The following ARMC9 variants were observed in gnomAD, a reference collection of about 807,000 sequenced individuals.
ARMC9 encodes the protein lisH domain-containing protein ARMC9.
Under a neutral mutation model 107.0 loss-of-function variants are expected in ARMC9, and 94 were observed. The ratio of observed to expected loss-of-function variants is 0.88; its 90% CI spans 0.74 to 1.04. ARMC9 has a LOEUF of 1.04. Among genes scored for constraint, ARMC9 ranks in the 50% least tolerant of loss-of-function variants. The pLI is 0.00. For missense variants in ARMC9, 942 were observed against 1,030.1 expected, an observed-to-expected ratio of 0.91 and a Z score of 1.17; for synonymous variants, 380 against 396.9, an observed-to-expected ratio of 0.96 and a Z score of 0.51.
At chr2:231,366,748 G>A (rs1276585444) in intron 23 of ARMC9, among the ~76,000 whole-genome samples, 1 of 151,486 alleles carries the variant, frequency 6.6e-6, no homozygotes, top group African/African-American at 2.4e-5. Flanking sequence ...GGCTGAGGCA[G>A]GAGAATTGCT....
In ARMC9 at chr2:231,360,768, A is replaced by C. The variant is rs1411556423; in HGVS notation, c.2146A>C (p.Lys716Gln). ...CTCCTCCCCAGCAGCCATCATCGCC[A>C]AGCCAGGAGAGTGGCTCCCAAGAGG... Reference protein sequence around the residue: ...CVSSSSAIIAKPGEWLPRGRQ... With the variant: ...CVSSSSAIIAQPGEWLPRGRQ... The change falls in exon 23 of 25, where the codon AAG becomes CAG. Residue 716 changes from lysine (K) to glutamine (Q), a missense_variant. Lys to Gln is a moderately conservative substitution (Grantham distance 53). Transcript: ENST00000611582. The surrounding 1 kb of genome is among the most constrained non-coding windows in gnomAD (Gnocchi z 4.7). 6.5e-7 allele frequency: 1 copy of C among 1,536,028 alleles called. No individual in the cohort carries two copies. The highest frequency in any genetic ancestry group is 8.7e-7 in the Non-Finnish European group (1 of 1,146,916).
At chr2:231,247,953 T>TA (rs1468446496) in intron 9 of ARMC9, among the ~76,000 whole-genome samples, 1 of 152,174 alleles carries the variant, frequency 6.6e-6, no homozygotes, top group African/African-American at 2.4e-5. Context: ...ACCTTTGTAT[T>TA]AATATCTCAA....
At chr2:231,230,564 C>T (rs2035114319) in intron 7 of ARMC9, among the ~76,000 whole-genome samples, 2 of 152,184 alleles carry the variant, frequency 1.3e-5, no homozygotes, top group South Asian at 4.1e-4. Context: ...GGTGATGTCT[C>T]TGGGTAGCAG....
chr2:231,227,752 A>G (rs950402711), intron 7 of ARMC9, among the ~76,000 whole-genome samples: 8 of 152,230 alleles, frequency 5.3e-5, no homozygotes, highest in Admixed American at 5.2e-4. Context: ...TTGTCACTCA[A>G]GATGGCTTTG....
chr2:231,320,622 G>A (rs1221528945), intron 19 of ARMC9, among the ~76,000 whole-genome samples: 1 of 151,906 alleles, frequency 6.6e-6, no homozygotes, highest in Non-Finnish European at 1.5e-5. Flanking sequence ...CCACTCGCTG[G>A]TCTTTCTTCT....
intron 7 of ARMC9, among the ~76,000 whole-genome samples, chr2:231,234,876 G>A (rs1221440440): frequency 6.6e-6 from 1 of 152,228 alleles, no homozygotes; most frequent in Non-Finnish European, 1.5e-5. Flanking sequence ...AAAGTGTTGG[G>A]ATTACAGGCG....
In ARMC9 at chr2:231,320,243, T is replaced by C. The variant is rs956031612; in HGVS notation, c.1774-11550T>C. The stretch of plus-strand genomic sequence containing the variant: ...CGTGTCCTTATATGCCCTTGAGTGC[T>C]TCTCTGCAGCTCACACCTAGATGTT... On this transcript the variant is annotated intron_variant, in intron 19 of 24. Coordinates refer to ENST00000611582, the MANE Select transcript of ARMC9 (RefSeq NM_001352754.2). 2.7e-4 allele frequency among the ~76,000 whole-genome samples: 41 copies of C among 152,274 alleles called. No homozygotes were observed. In the Middle Eastern group the frequency reaches 0.01, roughly 38 times the overall value.
At chr2:231,336,288 G>A (rs2044084439) in intron 20 of ARMC9, among the ~76,000 whole-genome samples, 1 of 151,414 alleles carries the variant, frequency 6.6e-6, no homozygotes, top group African/African-American at 2.4e-5. Context: ...TTCATGCCAT[G>A]GGCCAAGCCC....
At chr2:231,212,463 C>G (rs1051809633) in intron 3 of ARMC9, among the ~76,000 whole-genome samples, 1 of 152,200 alleles carries the variant, frequency 6.6e-6, no homozygotes, top group South Asian at 2.1e-4. Flanking sequence ...GACTTGTGGA[C>G]TCTGCCAAGC....
intron 7 of ARMC9, among the ~76,000 whole-genome samples, chr2:231,227,127 A>G (rs987273335): frequency 1.3e-5 from 2 of 152,088 alleles, no homozygotes; most frequent in Non-Finnish European, 2.9e-5. Context: ...AGTTCTTTTA[A>G]TTTAATTTAT....
At chr2:231,254,849 C>G (rs1453355501) in intron 9 of ARMC9, among the ~76,000 whole-genome samples, 1 of 152,138 alleles carries the variant, frequency 6.6e-6, no homozygotes, top group Non-Finnish European at 1.5e-5. Context: ...TTCTTCTCCT[C>G]TACTTATTCC....
chr2:231,341,632 TA>T (rs2044508737), intron 20 of ARMC9, among the ~76,000 whole-genome samples: 2 of 105,848 alleles, frequency 1.9e-5, no homozygotes, highest in African/African-American at 1.2e-4. Flanking sequence ...GATTGATAGA[TA>T]GATAGATGAT....
chr2:231,344,235 T>C (rs1434919032), intron 20 of ARMC9, among the ~76,000 whole-genome samples: 3 of 152,276 alleles, frequency 2.0e-5, no homozygotes, highest in Non-Finnish European at 4.4e-5. Flanking sequence ...AAGACTTGTC[T>C]CAAATTTCAA....
At chr2:231,294,182 C>G (rs2041207094) in intron 18 of ARMC9, 1 of 152,224 alleles carries the variant, frequency 6.6e-6, no homozygotes, top group Admixed American at 6.5e-5. Flanking sequence ...CGACCTAACC[C>G]CACAGGTGGG....
At chr2:231,288,940 G>A (rs1477576509) in intron 17 of ARMC9, among the ~76,000 whole-genome samples, 3 of 152,198 alleles carry the variant, frequency 2.0e-5, no homozygotes, top group Non-Finnish European at 4.4e-5. Context: ...TAGCTAGCTG[G>A]AAGGAGCAGG....
In ARMC9 at chr2:231,206,200, A is replaced by ATTTTTGCTAGAGAATT; in HGVS notation, c.-31_-30insAGAGAATTTTTTTGCT. ...TGTCTTGTATTTTTGCCTTCTAGAG[A>ATTTTTGCTAGAGAATT]TTTTTGCTGTGAGAATTAATTACCA... On this transcript the variant is annotated 5_prime_UTR_variant, in exon 2 of 25. Coordinates refer to ENST00000611582, the MANE Select transcript of ARMC9 (RefSeq NM_001352754.2). 1 of 1,588,334 alleles carries ATTTTTGCTAGAGAATT rather than the reference A, an allele frequency of 6.3e-7. No homozygotes were observed. The highest frequency in any genetic ancestry group is 8.6e-7 in the Non-Finnish European group (1 of 1,157,574).
At chr2:231,223,114 A>G (rs1333857947) in intron 6 of ARMC9, among the ~76,000 whole-genome samples, 1 of 152,226 alleles carries the variant, frequency 6.6e-6, no homozygotes, top group African/African-American at 2.4e-5. Context: ...ATTCCTTGGG[A>G]TAATTGTCCC....
chr2:231,343,497 A>G (rs544851051), intron 20 of ARMC9, among the ~76,000 whole-genome samples: 25 of 152,248 alleles, frequency 1.6e-4, no homozygotes, highest in Non-Finnish European at 2.2e-4. Flanking sequence ...CGCCCTTCAC[A>G]TAATTTCCCC....
chr2:231,235,742 A>T (rs1307883136), intron 8 of ARMC9, among the ~76,000 whole-genome samples: 1 of 152,100 alleles, frequency 6.6e-6, no homozygotes, highest in Non-Finnish European at 1.5e-5. Flanking sequence ...TCCCAGATTC[A>T]AGTGATTCTC....
Sources: gnomAD v4.1 joint callset for allele counts (sites outside exome capture counted in the v4.1 genomes callset) on GRCh38, gnomAD v4.1.1 for gene constraint, Gnocchi (gnomAD v3.1) non-coding constraint, MANE v1.5 for transcripts, NCBI Gene and HGNC (gene_info 2026-07-23, HGNC 2026-07-21) for gene names.